The following UCKL1 variants were observed in gnomAD, a reference collection of about 807,000 sequenced individuals.
UCKL1 encodes uridine-cytidine kinase 1 like 1.
Under a neutral mutation model 59.2 loss-of-function variants are expected in UCKL1, and 65 were observed. The observed-to-expected ratio is 1.10, with a 90% CI of 0.90 to 1.35. The LOEUF is 1.35. Ranked by LOEUF, UCKL1 falls within the 40% of genes most tolerant of loss-of-function variation. The pLI, the probability that UCKL1 is intolerant of heterozygous loss-of-function variation, is 0.00. For synonymous variants in UCKL1, 410 were observed against 323.1 expected (o/e 1.27, Z -2.88); for missense variants, 703 against 784.3 (o/e 0.90, Z 1.24).
intron 8 of UCKL1, chr20:63,942,492 G>A: frequency 1.7e-6 from 2 of 1,175,968 alleles, no homozygotes; most frequent in Non-Finnish European, 2.1e-6. Context: ...AGCTTCCTCT[G>A]CTTGCCAGGT....
At position 63,940,717 on chromosome 20, in the gene UCKL1, C is replaced by G. The variant is rs1279383522; in HGVS notation, c.1180-1G>C. 2 of 1,607,838 alleles carry G rather than the reference C, an allele frequency of 1.2e-6. No individual in the cohort carries two copies. Among genetic ancestry groups the G allele is most frequent in the South Asian group, 1.1e-5 (1 of 90,554 alleles). On this transcript the variant is annotated splice_acceptor_variant, in intron 11 of 14. Transcript: ENST00000354216. LOFTEE classifies it high-confidence loss of function. ...CGCGCAGAATGGACACACCGGTGAT[C>G]TGCGGGGAGGGGAGGCTAAGCGCCC...
At chr20:63,947,842 T>A (rs1455622473) in intron 1 of UCKL1, among the ~76,000 whole-genome samples, 2 of 152,242 alleles carry the variant, frequency 1.3e-5, no homozygotes, top group Non-Finnish European at 2.9e-5. Flanking sequence ...GTGTGGCATC[T>A]ACATGCACTG....
rs377127420 is a variant in UCKL1, at chr20:63,945,954, C to T, written c.433G>A (p.Glu145Lys). Residue 145 changes from glutamate to lysine, a missense_variant, in exon 4 of 15, where the codon GAA (glutamate) becomes AAA (lysine). Transcript: ENST00000354216. ...TTGAAGTTGTTGTGTGCGGCCTGTT[C>T]CTGCTGCTGCTCAGTCAGCACCTGG... ...FYKVLTEQQQ[E>K]QAAHNNFNFD... is the part of the protein sequence containing the mutation. The T allele has an allele frequency of 3.1e-6, 5 of 1,613,688 alleles. No individual in the cohort carries two copies. In the African/African-American group the frequency reaches 6.7e-5, roughly 22 times the overall value.
At chr20:63,947,171 C>G (rs2056466089) in intron 1 of UCKL1, among the ~76,000 whole-genome samples, 1 of 152,172 alleles carries the variant, frequency 6.6e-6, no homozygotes, top group South Asian at 2.1e-4. Context: ...CAGATCATCA[C>G]TGTCCACACA....
intron 1 of UCKL1, among the ~76,000 whole-genome samples, chr20:63,949,473 G>A (rs995175702): frequency 1.3e-5 from 2 of 152,128 alleles, no homozygotes; most frequent in Admixed American, 6.5e-5. Context: ...ACCTCCCAGC[G>A]GCCCTGGACA....
At chr20:63,945,625 G>A in intron 5 of UCKL1, 26 bp downstream of exon 5, 1 of 1,611,172 alleles carries the variant, frequency 6.2e-7, no homozygotes, top group Non-Finnish European at 8.5e-7. Flanking sequence ...ATACCAGCGG[G>A]GTGGGTATTC....
Position 63,951,296 on chromosome 20 carries a change from G to A in UCKL1, c.114-4653C>T, listed in dbSNP as rs748505736. On this transcript the variant is annotated intron_variant, in intron 1 of 14. Transcript: ENST00000354216. The stretch of plus-strand genomic sequence containing the variant: ...GTGAACTGCCCCCTCCTGTGTGTGG[G>A]CTGGCACATTCGGCCAGCCTAGGAC... The A allele has an allele frequency of 1.2e-5, 9 of 768,720 alleles. No individual in the cohort carries two copies. The African/African-American group carries it at 1.7e-4, about 15-fold the overall frequency. 47.6% of individuals were successfully genotyped at this position (768,720 alleles called of 1,614,324 possible). A position where few individuals can be genotyped will look rare whatever the true frequency, so the allele number is the denominator to read the frequency against.
chr20:63,944,511 G>C (rs774902586), intron 6 of UCKL1, 34 bp downstream of exon 6: 1 of 1,593,244 alleles, frequency 6.3e-7, no homozygotes, highest in East Asian at 2.3e-5. Context: ...TGGCCTGCCC[G>C]ACACCCACCC....
chr20:63,940,272 A>G lies in UCKL1; in HGVS notation c.1445T>C (p.Leu482Pro), dbSNP rs902772875. ...HDVPEDKIFL[L>P]SLLMAEMGVH... ...GCCCATCTCTGCCATGAGCAGCGACAGCAAAAAGATCTTGTCCTCAGGCAC... is the reference window on the plus strand; with the variant it reads ...GCCCATCTCTGCCATGAGCAGCGACGGCAAAAAGATCTTGTCCTCAGGCAC... The change falls in exon 14 of 15, where the codon CTG (leucine) becomes CCG (proline). Residue 482 changes from leucine (L) to proline (P), a missense_variant. By Grantham distance (98) the Leu-to-Pro change is moderately conservative. Around this residue, in one of 4 missense-constraint regions of UCKL1, gnomAD observed 124 missense variants for 161.1 expected, o/e 0.77. Coordinates refer to ENST00000354216, the MANE Select transcript of UCKL1 (RefSeq NM_017859.4). The G allele has an allele frequency of 1.2e-6, 2 of 1,612,770 alleles. No homozygotes were observed. The highest frequency in any genetic ancestry group is 3.3e-5 in the Admixed American group (2 of 60,026).
At chr20:63,942,679 C>T in intron 8 of UCKL1, 1 of 502,346 alleles carries the variant, frequency 2.0e-6, no homozygotes, top group Non-Finnish European at 4.1e-6. Flanking sequence ...CCGACCAAGG[C>T]TTCCTGGGGC....
intron 14 of UCKL1, 23 bp downstream of exon 14, chr20:63,940,127 C>G: frequency 6.2e-7 from 1 of 1,612,228 alleles, no homozygotes; most frequent in Non-Finnish European, 8.5e-7. Context: ...TCATGTGCGG[C>G]TGAAGGGCCC....
intron 5 of UCKL1, among the ~76,000 whole-genome samples, chr20:63,945,035 G>C (rs964361278): frequency 2.6e-5 from 4 of 152,236 alleles, no homozygotes; most frequent in Non-Finnish European, 4.4e-5. Context: ...ATGGTGGCTG[G>C]CTAAGGAATC....
At chr20:63,948,800 A>G (rs1360966430) in intron 1 of UCKL1, among the ~76,000 whole-genome samples, 1 of 151,858 alleles carries the variant, frequency 6.6e-6, no homozygotes, top group Non-Finnish European at 1.5e-5. Context: ...AACTTCTGTC[A>G]CATTTGAATG....
chr20:63,946,138 G>A (rs373948118), intron 3 of UCKL1, 23 bp downstream of exon 3: 170 of 1,609,980 alleles, frequency 1.1e-4, no homozygotes, highest in Non-Finnish European at 1.4e-4. Context: ...AGGGGTCCTC[G>A]GGGGAGCTGG....
At position 63,939,990 on chromosome 20, in the gene UCKL1, C is replaced by G; in HGVS notation, c.1633G>C (p.Ala545Pro). The G allele has an allele frequency of 6.2e-7, 1 of 1,612,278 alleles. No individual in the cohort carries two copies. The highest frequency in any genetic ancestry group is 1.1e-5 in the South Asian group (1 of 91,066). The part of the protein sequence containing the change: ...VPDGSDEEEV[A>P]YTG ...TCACTGGGCAGCTAACCCGTGTAGG[C>G]CACTTCCTCCTCGTCACTGCCATCG... Residue 545 changes from alanine to proline, a missense_variant, in exon 15 of 15, where the codon GCC becomes CCC. Coordinates refer to ENST00000354216, the MANE Select transcript of UCKL1 (RefSeq NM_017859.4).
chr20:63,945,585 C>A lies in UCKL1; in HGVS notation c.654+66G>T, dbSNP rs957018727. 3.9e-6 allele frequency: 6 copies of A among 1,549,366 alleles called. No homozygotes were observed. In the Admixed American group the frequency reaches 5.1e-5, roughly 13 times the overall value. ...CTTGGGGACAGGGCAGGAGGACGCA[C>A]ACCTCATGGACAGGGCGGCCAGGGC... On this transcript the variant is annotated intron_variant, in intron 5 of 14. Transcript: ENST00000354216.
In UCKL1 at chr20:63,945,917, G is replaced by A. The variant is rs372064426; in HGVS notation, c.470C>T (p.Pro157Leu). Reference sequence around the variant, plus strand: ...GATGAGGTCGAAGTCAAAGGCATCTGGGTGGTCGAAGTTGAAGTTGTTGTG... The same window carrying A: ...GATGAGGTCGAAGTCAAAGGCATCTAGGTGGTCGAAGTTGAAGTTGTTGTG... Reference protein sequence around the residue: ...AAHNNFNFDHPDAFDFDLIIS... With the variant: ...AAHNNFNFDHLDAFDFDLIIS... Residue 157 changes from proline (P) to leucine (L), a missense_variant, in exon 4 of 15, where the codon CCA becomes CTA. Around this residue, in one of 4 missense-constraint regions of UCKL1, gnomAD observed 398 missense variants for 373.0 expected, o/e 1.07. Transcript: ENST00000354216. 2 of 1,613,554 alleles carry A rather than the reference G, an allele frequency of 1.2e-6. No homozygotes were observed. The highest frequency in any genetic ancestry group is 1.3e-5 in the African/African-American group (1 of 74,862).
rs957740696 is a variant in UCKL1 at position 63,956,271 on chromosome 20, C to T, written c.102G>A (p.Ala34=). 4 of 1,549,250 alleles carry T rather than the reference C, an allele frequency of 2.6e-6. No individual in the cohort carries two copies. In the African/African-American group the frequency reaches 4.3e-5, roughly 17 times the overall value. The change falls in exon 1 of 15, where the codon GCG becomes GCA. Residue 34 remains alanine, a synonymous_variant. Transcript: ENST00000354216. ...PGRQAEKSET[A]CEDRSNAESL... is the part of the protein sequence containing the mutation. ...AGGCCCACGCCTACCGGTCCTCGCA[C>T]GCGGTCTCGCTTTTCTCAGCCTGCC...
chr20:63,939,851 T>C lies in UCKL1; in HGVS notation c.*125A>G, dbSNP rs1261881008. On this transcript the variant is annotated 3_prime_UTR_variant, in exon 15 of 15. Coordinates refer to ENST00000354216, the MANE Select transcript of UCKL1 (RefSeq NM_017859.4). ...ACCTTCATTTTTCTAAAGCTTTATT[T>C]ATTTTATAAAATGCATAGAATAAAT... 4.4e-6 allele frequency: 4 copies of C among 899,492 alleles called. No individual in the cohort carries two copies. In the African/African-American group the frequency reaches 5.0e-5, roughly 11 times the overall value. The allele number at this position is 899,492 out of a possible 1,614,324, so 55.7% of individuals were successfully genotyped here.
Sources: allele counts gnomAD v4.1 joint callset (sites outside exome capture counted in the v4.1 genomes callset), GRCh38; gene constraint gnomAD v4.1.1; regional missense constraint gnomAD v4.1.1; transcripts MANE v1.5; gene names NCBI Gene and HGNC (gene_info 2026-07-23, HGNC 2026-07-21).